BBS9: variants seen among roughly 807,000 people sequenced by gnomAD.
BBS9 encodes protein PTHB1.
BBS9 carries 89 observed loss-of-function variants against 117.7 expected under a neutral mutation model. The ratio of observed to expected loss-of-function variants is 0.76; its 90% CI spans 0.64 to 0.90. BBS9 has a LOEUF of 0.90. BBS9 is among the 40% of genes least tolerant of loss of function. BBS9 has a pLI of 0.00. For synonymous variants in BBS9, 379 were observed against 370.9 expected, an observed-to-expected ratio of 1.02 and a Z score of -0.25; for missense variants, 982 against 1,042.2, an observed-to-expected ratio of 0.94 and a Z score of 0.80.
At chr7:33,129,348 C>T (rs1789226167), upstream of BBS9, 1 of 514,662 alleles carries the variant, frequency 1.9e-6, no homozygotes, top group Non-Finnish European at 3.5e-6. Flanking sequence ...GAACTGCTGC[C>T]AGGACAGGGC....
At chr7:33,509,854 C>G (rs1317219236) in intron 20 of BBS9, among the ~76,000 whole-genome samples, 1 of 152,178 alleles carries the variant, frequency 6.6e-6, no homozygotes, top group Non-Finnish European at 1.5e-5. Flanking sequence ...ACTATATTGT[C>G]AGTATTTTGT....
At chr7:33,407,993 C>T (rs1468524254) in intron 19 of BBS9, among the ~76,000 whole-genome samples, 1 of 152,232 alleles carries the variant, frequency 6.6e-6, no homozygotes, top group African/African-American at 2.4e-5. Flanking sequence ...TTTAAGTCTG[C>T]AGAGGTTACT....
Position 33,357,893 on chromosome 7 carries a change from C to T in BBS9, c.1591C>T (p.Leu531=), listed in dbSNP as rs1291400920. 3 of 1,611,882 alleles carry T rather than the reference C, an allele frequency of 1.9e-6. No individual in the cohort carries two copies. The highest frequency in any genetic ancestry group is 2.2e-5 in the East Asian group (1 of 44,818). The part of the protein sequence containing the change: ...RVIQCKFRLP[L]KLICLPGQPS... ...TATCCAATGTAAATTTAGACTTCCC[C>T]TAAAGTTAATTTGCCTACCAGGTCA... The change falls in exon 16 of 23, where the codon CTA becomes TTA. Residue 531 remains leucine (L), a synonymous_variant. Coordinates refer to ENST00000242067, the MANE Select transcript of BBS9 (RefSeq NM_198428.3).
At chr7:33,402,853 C>T (rs1207696634) in intron 19 of BBS9, among the ~76,000 whole-genome samples, 1 of 151,840 alleles carries the variant, frequency 6.6e-6, no homozygotes, top group Non-Finnish European at 1.5e-5. Context: ...CTTCCTTCCT[C>T]CCCACTCTTA....
intron 19 of BBS9, among the ~76,000 whole-genome samples, chr7:33,478,039 G>T (rs1435954517): frequency 1.3e-5 from 2 of 152,032 alleles, no homozygotes; most frequent in Admixed American, 6.6e-5. Context: ...GAAGGAAATT[G>T]TATGTCTCTT....
At chr7:33,377,612 G>T (rs557742704) in intron 17 of BBS9, among the ~76,000 whole-genome samples, 1 of 152,148 alleles carries the variant, frequency 6.6e-6, no homozygotes, top group South Asian at 2.1e-4. Context: ...GCTTTGGGTA[G>T]TATGGCCATT....
intron 16 of BBS9, among the ~76,000 whole-genome samples, chr7:33,365,322 A>G (rs1223766482): frequency 2.0e-5 from 3 of 152,172 alleles, no homozygotes; most frequent in African/African-American, 7.2e-5. Flanking sequence ...TTTTGGTACG[A>G]AAGACCTTCT....
chr7:33,270,108 A>G (rs879324604), intron 7 of BBS9, among the ~76,000 whole-genome samples: 3 of 152,104 alleles, frequency 2.0e-5, no homozygotes, highest in African/African-American at 7.2e-5. Flanking sequence ...TGCACTTGCT[A>G]ACATACCCCA....
intron 5 of BBS9, among the ~76,000 whole-genome samples, chr7:33,236,831 A>G (rs1197034884): frequency 6.6e-6 from 1 of 152,090 alleles, no homozygotes; most frequent in African/African-American, 2.4e-5. Flanking sequence ...TTACATTATT[A>G]TTAACTGTGG....
intron 4 of BBS9, among the ~76,000 whole-genome samples, chr7:33,163,311 C>T (rs1795156653): frequency 1.3e-5 from 2 of 152,048 alleles, no homozygotes; most frequent in Non-Finnish European, 2.9e-5. Context: ...TGTGTCTCTG[C>T]CAGCCTTTGG....
chr7:33,306,973 T>A (rs961096426), intron 9 of BBS9, among the ~76,000 whole-genome samples: 1 of 151,950 alleles, frequency 6.6e-6, no homozygotes, highest in Non-Finnish European at 1.5e-5. Flanking sequence ...TGCAGGAACA[T>A]TGTATGTACG....
intron 4 of BBS9, among the ~76,000 whole-genome samples, chr7:33,168,967 C>A (rs927752567): frequency 6.6e-6 from 1 of 152,088 alleles, no homozygotes; most frequent in South Asian, 2.1e-4. Flanking sequence ...CCGCTCCCCC[C>A]ACCCCACCAC....
intron 21 of BBS9, among the ~76,000 whole-genome samples, chr7:33,552,196 G>A (rs1469422745): frequency 6.6e-6 from 1 of 151,910 alleles, no homozygotes; most frequent in Admixed American, 6.6e-5. Context: ...ACTGTCTGTT[G>A]ACATCAGCTT....
chr7:33,141,278 T>C (rs750022723), intron 1 of BBS9, among the ~76,000 whole-genome samples: 15 of 152,242 alleles, frequency 9.9e-5, no homozygotes, highest in Non-Finnish European at 2.1e-4. Flanking sequence ...AAAAATTAGC[T>C]GGGCGTGTTG....
chr7:33,506,723 T>A (rs572626245), intron 20 of BBS9, among the ~76,000 whole-genome samples: 77 of 152,210 alleles, frequency 5.1e-4, no homozygotes, highest in East Asian at 2.3e-3. Context: ...GATTTTTTTT[T>A]AAAAAAGAAG....
chr7:33,228,730 T>A (rs116466529), intron 5 of BBS9, among the ~76,000 whole-genome samples: 1,667 of 152,286 alleles, frequency 0.011, 44 homozygotes, highest in African/African-American at 0.038. Context: ...AAAATATATT[T>A]ACAGTTCATT....
At chr7:33,262,379 G>T (rs984869971) in intron 6 of BBS9, among the ~76,000 whole-genome samples, 7 of 152,124 alleles carry the variant, frequency 4.6e-5, no homozygotes, top group African/African-American at 1.7e-4. Flanking sequence ...GTTGGTTTCT[G>T]TAGGAAATGA....
At chr7:33,158,900 G>T (rs1025346134) in intron 4 of BBS9, among the ~76,000 whole-genome samples, 1 of 117,434 alleles carries the variant, frequency 8.5e-6, no homozygotes, top group South Asian at 3.0e-4. Context: ...GGTAAAAGAC[G>T]ATTTATAGAC....
At chr7:33,513,912 T>C (rs1847343872) in intron 20 of BBS9, among the ~76,000 whole-genome samples, 1 of 152,222 alleles carries the variant, frequency 6.6e-6, no homozygotes, top group African/African-American at 2.4e-5. Flanking sequence ...ATATGGTCTT[T>C]CCTGAGAGTC....
Sources: gnomAD v4.1 joint callset for allele counts (sites outside exome capture counted in the v4.1 genomes callset) on GRCh38, gnomAD v4.1.1 for gene constraint, MANE v1.5 for transcripts, NCBI Gene and HGNC (gene_info 2026-07-23, HGNC 2026-07-21) for gene names.